PLCXD1: variants seen among roughly 807,000 people sequenced by gnomAD.
PLCXD1 encodes PI-PLC X domain-containing protein 1.
Under a neutral mutation model 37.8 loss-of-function variants are expected in PLCXD1, and 45 were observed. The observed-to-expected ratio is 1.19, with a 90% CI of 0.94 to 1.53. The LOEUF is 1.53. Among genes scored for constraint, PLCXD1 ranks in the 40% most tolerant of loss-of-function variants. PLCXD1 has a pLI of 0.00. For synonymous variants in PLCXD1, 246 were observed against 206.9 expected (o/e 1.19, Z -1.62); for missense variants, 539 against 454.7 (o/e 1.19, Z -1.69).
chrX:294,637 A>G (rs2069747197), intron 6 of PLCXD1, among the ~76,000 whole-genome samples: 1 of 150,708 alleles, frequency 6.6e-6, no homozygotes, highest in South Asian at 2.1e-4. Context: ...TCTCAAAACA[A>G]AACAAAAAAG....
intron 4 of PLCXD1, among the ~76,000 whole-genome samples, chrX:291,200 C>G (rs2069623556): frequency 6.6e-6 from 1 of 150,406 alleles, no homozygotes. Context: ...GGCTGGAGTG[C>G]AGTGGTGCAA....
In PLCXD1 at chrX:290,873, A is replaced by T. The variant is rs28403470; in HGVS notation, c.393+97A>T. On this transcript the variant is annotated intron_variant, in intron 4 of 6. Coordinates refer to ENST00000381657, the MANE Select transcript of PLCXD1 (RefSeq NM_018390.4). ...GGCTGAGGTGGGAAGCAAGGGGGAC[A>T]GCGGGAGGCGGCCGGGCACTGGTGC... The T allele has an allele frequency of 1.0e-4, 14 of 136,176 alleles. 5 individuals are homozygous for T. The highest frequency in any genetic ancestry group is 1.7e-4 in the Non-Finnish European group (14 of 81,754). The allele number at this position is 136,176 out of a possible 1,614,324, so 8.4% of individuals were successfully genotyped here. A position where few individuals can be genotyped will look rare whatever the true frequency, so the allele number is the denominator to read the frequency against.
At chrX:295,152 G>C (rs1388723798) in intron 6 of PLCXD1, among the ~76,000 whole-genome samples, 3 of 151,178 alleles carry the variant, frequency 2.0e-5, no homozygotes, top group African/African-American at 7.3e-5. Context: ...CTGGGCAACA[G>C]AGCGAGACTC....
chrX:293,857 CG>C (rs908892528), intron 6 of PLCXD1, among the ~76,000 whole-genome samples: 11 of 152,108 alleles, frequency 7.2e-5, no homozygotes, highest in Non-Finnish European at 1.0e-4. Context: ...TTGTGGTTGC[CG>C]GGGGCTGCGG....
At chrX:286,579 T>G (rs1296387817) in intron 2 of PLCXD1, among the ~76,000 whole-genome samples, 3 of 152,142 alleles carry the variant, frequency 2.0e-5, no homozygotes, top group South Asian at 4.1e-4. Flanking sequence ...TTTTAAAGGC[T>G]TACAACTCTG....
upstream of PLCXD1, among the ~76,000 whole-genome samples, chrX:277,232 GGA>G (rs1569564295): frequency 2.7e-3 from 400 of 148,574 alleles, 11 homozygotes; most frequent in East Asian, 6.3e-3. Context: ...AGTGGTCAGG[GGA>G]CTTGGGATGT....
intron 3 of PLCXD1, among the ~76,000 whole-genome samples, chrX:289,915 C>T (rs1214035530): frequency 1.3e-5 from 2 of 152,116 alleles, no homozygotes; most frequent in African/African-American, 4.8e-5. Context: ...ATCTGCTAGT[C>T]CCTGGGAAAC....
At chrX:277,263 G>T (rs1315539710), upstream of PLCXD1, among the ~76,000 whole-genome samples, 3 of 93,262 alleles carry the variant, frequency 3.2e-5, no homozygotes, top group Non-Finnish European at 7.2e-5. Context: ...GGGTCAGGGG[G>T]AACGTGGGGA....
intron 6 of PLCXD1, among the ~76,000 whole-genome samples, chrX:296,539 C>G (rs768410049): frequency 6.6e-6 from 1 of 152,212 alleles, no homozygotes; most frequent in African/African-American, 2.4e-5. Flanking sequence ...GAACCTACCT[C>G]TGGGGGAGCT....
chrX:292,935 C>T (rs1267341938), intron 5 of PLCXD1, 100 bp from the exon 6 acceptor site: 23 of 779,196 alleles, frequency 3.0e-5, no homozygotes, highest in Non-Finnish European at 4.4e-5. Flanking sequence ...TTGGTTTATA[C>T]TCGTGTTGGG....
chrX:277,384 AGTGGTCAGG>A (rs2069179072), upstream of PLCXD1, among the ~76,000 whole-genome samples: 1 of 109,580 alleles, frequency 9.1e-6, no homozygotes, highest in Admixed American at 8.9e-5. Flanking sequence ...GACACCCCTC[AGTGGTCAGG>A]GGACCTGGGA....
At chrX:293,889 G>A (rs1199429591) in intron 6 of PLCXD1, among the ~76,000 whole-genome samples, 1 of 152,210 alleles carries the variant, frequency 6.6e-6, no homozygotes, top group Non-Finnish European at 1.5e-5. Context: ...AGGACTGACT[G>A]CTTCATGGAA....
chrX:293,030 T>C lies in PLCXD1; in HGVS notation c.550-5T>C. 1 of 1,602,240 alleles carries C rather than the reference T, an allele frequency of 6.2e-7. No homozygotes were observed. Among genetic ancestry groups the C allele is most frequent in the Non-Finnish European group, 8.5e-7 (1 of 1,173,112 alleles). ...CCTGCACCCCTTAACTCTGGTCCTT[T>C]GCAGGAGGTGCCGACACTGCGGCAG... On this transcript the variant is annotated splice_polypyrimidine_tract_variant and splice_region_variant and intron_variant, in intron 5 of 6. Coordinates refer to ENST00000381657, the MANE Select transcript of PLCXD1 (RefSeq NM_018390.4).
intron 6 of PLCXD1, among the ~76,000 whole-genome samples, chrX:296,277 T>C (rs1377158793): frequency 1.3e-5 from 2 of 152,064 alleles, no homozygotes; most frequent in African/African-American, 4.8e-5. Context: ...CGTACCACCA[T>C]GCTGAGCTAA....
chrX:282,879 TATGTA>T (rs2124307094), intron 1 of PLCXD1, among the ~76,000 whole-genome samples: 1 of 138,374 alleles, frequency 7.2e-6, no homozygotes, highest in South Asian at 2.2e-4. Context: ...GTATATATGT[TATGTA>T]TGTGTTATAT....
At chrX:292,620 T>G (rs1395727089) in intron 5 of PLCXD1, among the ~76,000 whole-genome samples, 1 of 151,018 alleles carries the variant, frequency 6.6e-6, no homozygotes, top group Non-Finnish European at 1.5e-5. Context: ...ACTTAATTTA[T>G]TTATTTATTT....
chrX:291,735 G>A (rs1407881072), intron 5 of PLCXD1, 81 bp downstream of exon 5: 1 of 1,435,066 alleles, frequency 7.0e-7, no homozygotes, highest in Non-Finnish European at 9.8e-7. Context: ...TGTGCCCTGG[G>A]TGTGGGTGCT....
At chrX:285,379 T>C (rs1464938724) in intron 2 of PLCXD1, among the ~76,000 whole-genome samples, 1 of 151,644 alleles carries the variant, frequency 6.6e-6, no homozygotes, top group East Asian at 1.9e-4. Context: ...CACATGTATA[T>C]ATATATTTGC....
intron 6 of PLCXD1, among the ~76,000 whole-genome samples, chrX:295,893 T>G (rs911218296): frequency 4.2e-4 from 64 of 151,972 alleles, no homozygotes; most frequent in Non-Finnish European, 7.4e-4. Context: ...CAGGCTAGAG[T>G]GCAATGGCGC....
Sources: allele counts gnomAD v4.1 joint callset (sites outside exome capture counted in the v4.1 genomes callset), GRCh38; gene constraint gnomAD v4.1.1; transcripts MANE v1.5; gene names NCBI Gene and HGNC (gene_info 2026-07-23, HGNC 2026-07-21).